The following OSTN variants were observed in gnomAD, a reference collection of about 807,000 sequenced individuals.
OSTN encodes osteocrin.
OSTN carries 9 observed loss-of-function variants against 12.0 expected under a neutral mutation model. The observed-to-expected ratio is 0.75, with a 90% CI of 0.45 to 1.30. The LOEUF is 1.30. Ranked by LOEUF, OSTN falls within the 50% of genes most tolerant of loss-of-function variation. OSTN has a pLI of 0.00. For missense variants in OSTN, 148 were observed against 152.3 expected (o/e 0.97, Z 0.15); for synonymous variants, 59 against 56.9 (o/e 1.04, Z -0.16).
Position 191,263,045 on chromosome 3 carries a change from T to G in OSTN, c.*192T>G. The G allele has an allele frequency of 1.8e-6, 1 of 540,994 alleles. No homozygotes were observed. The highest frequency in any genetic ancestry group is 2.7e-5 in the South Asian group (1 of 37,174). The allele number at this position is 540,994 out of a possible 1,614,324, so 33.5% of individuals were successfully genotyped here. ...GCTTCAATTAAATTGTGTAAATCAT[T>G]TTGATGCACGTACATTTTAAAATTA... On this transcript the variant is annotated 3_prime_UTR_variant, in exon 5 of 5. Transcript: ENST00000682035.
intron 1 of OSTN, among the ~76,000 whole-genome samples, chr3:191,205,428 C>A (rs1169988916): frequency 1.5e-5 from 2 of 133,112 alleles, no homozygotes; most frequent in South Asian, 5.0e-4. Context: ...TTTGGAGTCA[C>A]GTCAAGTAAA....
chr3:191,261,765 A>G (rs1401162731), intron 4 of OSTN, among the ~76,000 whole-genome samples: 1 of 152,248 alleles, frequency 6.6e-6, no homozygotes, highest in African/African-American at 2.4e-5. Flanking sequence ...AATCATTAAT[A>G]TATTGTACCA....
intron 3 of OSTN, among the ~76,000 whole-genome samples, chr3:191,220,732 G>A (rs144753466): frequency 3.0e-4 from 45 of 152,184 alleles, no homozygotes; most frequent in African/African-American, 9.9e-4. Flanking sequence ...AAAATATGGT[G>A]CCTTCTAATA....
At chr3:191,236,494 G>A (rs765959022) in intron 3 of OSTN, among the ~76,000 whole-genome samples, 28 of 151,900 alleles carry the variant, frequency 1.8e-4, no homozygotes, top group Non-Finnish European at 3.2e-4. Context: ...AAAAGCAAGA[G>A]GAGGAATGCG....
At chr3:191,209,533 A>G (rs1714366420) in intron 1 of OSTN, among the ~76,000 whole-genome samples, 2 of 152,262 alleles carry the variant, frequency 1.3e-5, no homozygotes, top group South Asian at 2.1e-4. Flanking sequence ...AACTAGCATT[A>G]TGAGACAAGA....
chr3:191,256,449 A>G (rs916379102), intron 4 of OSTN, among the ~76,000 whole-genome samples: 1 of 152,168 alleles, frequency 6.6e-6, no homozygotes, highest in Non-Finnish European at 1.5e-5. Context: ...AAAGTTTAAA[A>G]TCCTTGATAT....
intron 3 of OSTN, among the ~76,000 whole-genome samples, chr3:191,234,244 A>C (rs1576932864): frequency 6.6e-6 from 1 of 152,114 alleles, no homozygotes; most frequent in East Asian, 1.9e-4. Flanking sequence ...TGAAATAGGA[A>C]AATTTGAGGA....
At chr3:191,243,925 T>C (rs1715375292) in intron 3 of OSTN, among the ~76,000 whole-genome samples, 5 of 152,078 alleles carry the variant, frequency 3.3e-5, no homozygotes, top group Admixed American at 3.3e-4. Flanking sequence ...GATTCTAAGA[T>C]TATGAAGGAA....
intron 1 of OSTN, among the ~76,000 whole-genome samples, chr3:191,203,752 C>A (rs1316123360): frequency 1.3e-5 from 2 of 152,182 alleles, no homozygotes; most frequent in Non-Finnish European, 1.5e-5. Context: ...CTCGAAAGAG[C>A]ATGAAACTGG....
At chr3:191,238,209 C>T (rs1715240220) in intron 3 of OSTN, among the ~76,000 whole-genome samples, 1 of 152,042 alleles carries the variant, frequency 6.6e-6, no homozygotes, top group Admixed American at 6.5e-5. Context: ...TGAGGCATTT[C>T]TCAATCAACA....
chr3:191,230,802 C>T (rs757532295), intron 3 of OSTN, among the ~76,000 whole-genome samples: 6 of 152,080 alleles, frequency 3.9e-5, no homozygotes, highest in Non-Finnish European at 7.4e-5. Flanking sequence ...AGGTTTCATC[C>T]AATGCTGTAT....
At chr3:191,202,722 G>A (rs1448840462) in intron 1 of OSTN, among the ~76,000 whole-genome samples, 1 of 152,052 alleles carries the variant, frequency 6.6e-6, no homozygotes, top group Non-Finnish European at 1.5e-5. Flanking sequence ...GCCTTTTAAT[G>A]CTGCGTAAAA....
intron 3 of OSTN, among the ~76,000 whole-genome samples, chr3:191,244,515 C>T (rs991114961): frequency 1.4e-4 from 21 of 150,402 alleles, no homozygotes; most frequent in African/African-American, 3.4e-4. Flanking sequence ...TATTCTCTAT[C>T]TAACATTAAT....
chr3:191,264,393 A>T lies in OSTN; in HGVS notation c.*1540A>T, dbSNP rs1483824212. On this transcript the variant is annotated 3_prime_UTR_variant, in exon 5 of 5. Transcript: ENST00000682035. The stretch of plus-strand genomic sequence containing the variant: ...GAACATGTGTACTTAGAATATATAT[A>T]TTGGTTTTGTATGTAACTTCTTAGT... The T allele has an allele frequency of 1.3e-5, 2 of 152,118 alleles. No homozygotes were observed. The highest frequency in any genetic ancestry group is 4.8e-5 in the African/African-American group (2 of 41,452). The allele number at this position is 152,118 out of a possible 1,614,324, so 9.4% of individuals were successfully genotyped here.
At chr3:191,260,071 C>T (rs76519284) in intron 4 of OSTN, among the ~76,000 whole-genome samples, 4,476 of 151,802 alleles carry the variant, frequency 0.029, 129 homozygotes, top group Middle Eastern at 0.14. Flanking sequence ...AGGATGGTCT[C>T]GATCTCTTGA....
intron 3 of OSTN, among the ~76,000 whole-genome samples, chr3:191,220,549 T>C (rs1714736321): frequency 6.6e-6 from 1 of 152,168 alleles, no homozygotes; most frequent in Admixed American, 6.5e-5. Context: ...TGTAAATTAG[T>C]ATAACAACTA....
At chr3:191,255,469 T>A (rs1004102435) in intron 4 of OSTN, among the ~76,000 whole-genome samples, 3 of 152,226 alleles carry the variant, frequency 2.0e-5, no homozygotes, top group Admixed American at 1.3e-4. Context: ...AGTCTGGACA[T>A]TTCTAAAAAT....
chr3:191,206,791 A>C (rs1298396438), intron 1 of OSTN, among the ~76,000 whole-genome samples: 3 of 152,232 alleles, frequency 2.0e-5, no homozygotes, highest in Non-Finnish European at 4.4e-5. Context: ...AGCTATGCAG[A>C]CTTTGTGTTA....
rs1198163846 is a variant in OSTN, at chr3:191,264,235, A to C, written c.*1382A>C. The C allele has an allele frequency of 6.6e-6, 1 of 152,074 alleles. No homozygotes were observed. Among genetic ancestry groups the C allele is most frequent in the Non-Finnish European group, 1.5e-5 (1 of 67,978 alleles). The allele number at this position is 152,074 out of a possible 1,614,324, so 9.4% of individuals were successfully genotyped here. On this transcript the variant is annotated 3_prime_UTR_variant, in exon 5 of 5. Coordinates refer to ENST00000682035, the MANE Select transcript of OSTN (RefSeq NM_198184.2). Reference sequence around the variant, plus strand: ...GATCCAAAGAATAAAATAAACTCAAAGAAACATAACAAAAATATATTAGAA... The same window carrying C: ...GATCCAAAGAATAAAATAAACTCAACGAAACATAACAAAAATATATTAGAA...
Sources: gnomAD v4.1 joint callset for allele counts (sites outside exome capture counted in the v4.1 genomes callset) on GRCh38, gnomAD v4.1.1 for gene constraint, MANE v1.5 for transcripts, NCBI Gene and HGNC (gene_info 2026-07-23, HGNC 2026-07-21) for gene names.